Variants in UBAP2 observed in about 807,000 individuals in gnomAD.
The protein encoded by UBAP2 is ubiquitin associated protein 2.
A neutral mutation model predicts 139.6 loss-of-function variants in UBAP2; 75 were observed. The ratio of observed to expected loss-of-function variants is 0.54; its 90% CI spans 0.45 to 0.65. The LOEUF (loss-of-function observed/expected upper bound fraction) is 0.65. Ranked by LOEUF, UBAP2 falls within the 30% of genes least tolerant of loss-of-function variation. UBAP2 has a pLI of 0.00. For missense variants in UBAP2, 1,368 were observed against 1,369.6 expected (o/e 1.00, Z 0.02); for synonymous variants, 526 against 526.2 (o/e 1.00, Z 0.01).
At chr9:33,964,155 C>A (rs932655555) in intron 8 of UBAP2, among the ~76,000 whole-genome samples, 1 of 152,128 alleles carries the variant, frequency 6.6e-6, no homozygotes, top group Non-Finnish European at 1.5e-5. Flanking sequence ...ATTTGAGGGT[C>A]CCTCATATCA....
In UBAP2 at chr9:33,968,023, T is replaced by C. The variant is rs1351081339; in HGVS notation, c.679+3628A>G. ...GATTGGTACAGCCTTTAAAACTTCA[T>C]TGACAGGAACAAATCCAGTATCCAT... is the stretch of plus-strand genomic sequence containing the variant. On this transcript the variant is annotated intron_variant, in intron 8 of 28. Coordinates refer to ENST00000379238, the MANE Select transcript of UBAP2 (RefSeq NM_001370062.2). The C allele has an allele frequency of 1.8e-5, 7 of 380,754 alleles. No homozygotes were observed. The East Asian group carries it at 2.9e-4, about 16-fold the overall frequency. 23.6% of individuals were successfully genotyped at this position (380,754 alleles called of 1,614,324 possible).
intron 2 of UBAP2, among the ~76,000 whole-genome samples, chr9:34,012,880 G>A (rs1200823688): frequency 6.6e-6 from 1 of 151,282 alleles, no homozygotes; most frequent in African/African-American, 2.4e-5. Flanking sequence ...GTCAGGCCCA[G>A]GGGCTCACAC....
intron 12 of UBAP2, among the ~76,000 whole-genome samples, chr9:33,950,938 AAATCCC>A (rs1437639322): frequency 6.6e-6 from 1 of 152,236 alleles, no homozygotes; most frequent in African/African-American, 2.4e-5. Context: ...CACAGTGCCC[AAATCCC>A]AATCCCAAAG....
At chr9:33,924,312 G>A (rs767983180) in intron 22 of UBAP2, 28 bp from the exon 23 acceptor site, 6 of 1,604,188 alleles carry the variant, frequency 3.7e-6, no homozygotes, top group Non-Finnish European at 5.1e-6. Flanking sequence ...GGCTTGATCA[G>A]CGACTGGCCC....
At chr9:33,950,446 C>T (rs1826005268) in intron 12 of UBAP2, among the ~76,000 whole-genome samples, 1 of 152,182 alleles carries the variant, frequency 6.6e-6, no homozygotes, top group Non-Finnish European at 1.5e-5. Context: ...GAAACAATTA[C>T]TTCTATTATC....
At position 33,996,445 on chromosome 9, in the gene UBAP2, C is replaced by G. The variant is rs564216435; in HGVS notation, c.178-112G>C. Reference sequence around the variant, plus strand: ...TAATCCTTCTACATGAAGATGGCCTCTTCTAGACTCTTGAGTTTACAATGA... The same window carrying G: ...TAATCCTTCTACATGAAGATGGCCTGTTCTAGACTCTTGAGTTTACAATGA... On this transcript the variant is annotated intron_variant, in intron 3 of 28. Coordinates refer to ENST00000379238, the MANE Select transcript of UBAP2 (RefSeq NM_001370062.2). 97 of 699,842 alleles carry G rather than the reference C, an allele frequency of 1.4e-4. No individual in the cohort carries two copies. The South Asian group carries it at 1.8e-3, about 13-fold the overall frequency. The allele number at this position is 699,842 out of a possible 1,614,324, so 43.4% of individuals were successfully genotyped here.
chr9:33,981,064 CATATATATAT>C (rs552165278), intron 6 of UBAP2, among the ~76,000 whole-genome samples: 10 of 5,278 alleles, frequency 1.9e-3, no homozygotes, highest in African/African-American at 2.9e-3. Flanking sequence ...TTATTTACTT[CATATATATAT>C]ATATATATAT....
At chr9:33,975,527 A>G (rs990478306) in intron 6 of UBAP2, among the ~76,000 whole-genome samples, 34 of 146,698 alleles carry the variant, frequency 2.3e-4, no homozygotes, top group Admixed American at 8.8e-4. Flanking sequence ...GGCCAGGTGC[A>G]GCGGCTCATG....
At chr9:34,028,745 G>A (rs1825632293) in intron 1 of UBAP2, among the ~76,000 whole-genome samples, 1 of 151,488 alleles carries the variant, frequency 6.6e-6, no homozygotes, top group Non-Finnish European at 1.5e-5. Context: ...TGAAAAGCAT[G>A]TAATTATTCA....
chr9:33,924,793 C>T (rs945845322), intron 22 of UBAP2, among the ~76,000 whole-genome samples: 3 of 152,210 alleles, frequency 2.0e-5, no homozygotes, highest in African/African-American at 7.2e-5. Context: ...ACACTGCTCT[C>T]AAAACACTGA....
At chr9:33,990,636 A>ATTTT (rs1821623852) in intron 4 of UBAP2, among the ~76,000 whole-genome samples, 1 of 22,420 alleles carries the variant, frequency 4.5e-5, no homozygotes. Flanking sequence ...AGTACCCCCC[A>ATTTT]ATTTTTTTTT....
intron 6 of UBAP2, among the ~76,000 whole-genome samples, chr9:33,983,720 G>A (rs79880498): frequency 1.2e-4 from 19 of 152,266 alleles, no homozygotes; most frequent in African/African-American, 4.6e-4. Flanking sequence ...AGAGGTGTAC[G>A]TGCCAACACT....
At chr9:34,034,083 CATT>C (rs927183900) in intron 1 of UBAP2, among the ~76,000 whole-genome samples, 5 of 152,122 alleles carry the variant, frequency 3.3e-5, no homozygotes, top group African/African-American at 1.2e-4. Context: ...TAATAGTTCT[CATT>C]ATTCACATCT....
intron 9 of UBAP2, among the ~76,000 whole-genome samples, chr9:33,962,474 C>T (rs867613237): frequency 1.3e-5 from 2 of 151,646 alleles, no homozygotes; most frequent in Non-Finnish European, 2.9e-5. Flanking sequence ...GATGAAACCC[C>T]GTCTCTACTA....
chr9:33,977,712 G>C (rs1820277623), intron 6 of UBAP2, among the ~76,000 whole-genome samples: 1 of 151,538 alleles, frequency 6.6e-6, no homozygotes, highest in African/African-American at 2.4e-5. Context: ...ACCCAGGCTG[G>C]AGTGCAGTGG....
intron 1 of UBAP2, among the ~76,000 whole-genome samples, chr9:34,027,630 G>A (rs900749062): frequency 5.9e-5 from 9 of 152,078 alleles, no homozygotes; most frequent in African/African-American, 2.2e-4. Context: ...GGCCAAGGCA[G>A]GCGAGTCATG....
chr9:33,971,343 C>A (rs1478049188), intron 8 of UBAP2, among the ~76,000 whole-genome samples: 1 of 152,186 alleles, frequency 6.6e-6, no homozygotes, highest in Non-Finnish European at 1.5e-5. Context: ...ATCTTCTCCT[C>A]AGAAATTCTA....
chr9:34,019,286 C>T (rs1824685027), intron 1 of UBAP2, among the ~76,000 whole-genome samples: 1 of 152,022 alleles, frequency 6.6e-6, no homozygotes, highest in Non-Finnish European at 1.5e-5. Flanking sequence ...ACCTGTAATC[C>T]CAGCAACTCA....
At position 33,996,290 on chromosome 9, in the gene UBAP2, G is replaced by T. The variant is rs748399667; in HGVS notation, c.221C>A (p.Ala74Asp). 3.3e-5 allele frequency: 53 copies of T among 1,613,456 alleles called. No homozygotes were observed. The highest frequency in any genetic ancestry group is 4.4e-5 in the Non-Finnish European group (52 of 1,179,916). Reference sequence around the variant, plus strand: ...CACATCTCCATTACAATCATGTAGGGCCACTATGCATTCATCCTGATTTTT... The same window carrying T: ...CACATCTCCATTACAATCATGTAGGTCCACTATGCATTCATCCTGATTTTT... ...TGKNQDECIV[A>D]LHDCNGDVNK... Residue 74 changes from alanine to aspartate, a missense_variant, in exon 4 of 29, where the codon GCC becomes GAC. Transcript: ENST00000379238.
Sources: gnomAD v4.1 joint callset for allele counts (sites outside exome capture counted in the v4.1 genomes callset) on GRCh38, gnomAD v4.1.1 for gene constraint, MANE v1.5 for transcripts, NCBI Gene and HGNC (gene_info 2026-07-23, HGNC 2026-07-21) for gene names.